PTPRN2: variants seen among roughly 807,000 people sequenced by gnomAD.
PTPRN2 encodes the protein receptor-type tyrosine-protein phosphatase N2.
In PTPRN2, 74 loss-of-function variants were observed where a neutral mutation model predicts 118.8. The observed-to-expected ratio is 0.62, with a 90% CI of 0.52 to 0.76. The LOEUF is 0.76. PTPRN2 is among the 30% of genes least tolerant of loss of function. PTPRN2 has a pLI of 0.00. For missense variants in PTPRN2, 1,481 were observed against 1,394.4 expected, an observed-to-expected ratio of 1.06 and a Z score of -0.99; for synonymous variants, 641 against 608.0, an observed-to-expected ratio of 1.05 and a Z score of -0.80.
intron 12 of PTPRN2, among the ~76,000 whole-genome samples, chr7:157,734,378 G>A (rs1446145084): frequency 2.6e-5 from 4 of 152,232 alleles, no homozygotes; most frequent in Admixed American, 2.6e-4. Context: ...AGGCTTCCAG[G>A]GTAGGTACTG....
chr7:158,179,350 A>AT lies in PTPRN2; in HGVS notation c.550-12060dup, dbSNP rs576016769. Among the ~76,000 whole-genome samples, 102 of 150,538 alleles carry AT rather than the reference A, an allele frequency of 6.8e-4. No individual in the cohort carries two copies. In the South Asian group the frequency reaches 8.2e-3, roughly 12 times the overall value. ...CGTCATTTGTCCACTTTTTAATGGG[A>AT]TTTTTTTTTCTTGCTAAATTGTTTG... On this transcript the variant is annotated intron_variant, in intron 5 of 22. Transcript: ENST00000389418.
intron 4 of PTPRN2, among the ~76,000 whole-genome samples, chr7:158,193,014 C>T (rs546331636): frequency 6.4e-4 from 97 of 152,348 alleles, no homozygotes; most frequent in Non-Finnish European, 1.3e-3. Flanking sequence ...TGATGTACTT[C>T]GCCACAGCCT....
At chr7:158,139,165 C>A (rs1819129164) in intron 6 of PTPRN2, among the ~76,000 whole-genome samples, 1 of 152,120 alleles carries the variant, frequency 6.6e-6, no homozygotes, top group Non-Finnish European at 1.5e-5. Context: ...AAAAACAGAA[C>A]CCGAAATTGA....
chr7:157,684,783 G>T (rs1298559770), intron 12 of PTPRN2, among the ~76,000 whole-genome samples: 14 of 151,854 alleles, frequency 9.2e-5, no homozygotes, highest in Non-Finnish European at 1.5e-5. Context: ...ACCTCCCCCG[G>T]GCCGGGGTCT....
chr7:158,413,591 C>T (rs956899306), intron 2 of PTPRN2, among the ~76,000 whole-genome samples: 5 of 152,326 alleles, frequency 3.3e-5, no homozygotes, highest in East Asian at 1.9e-4. Context: ...GAGGCCTGAA[C>T]GGGAAAGCCC....
chr7:158,273,506 CCGCAGACAGACA>C (rs1798672429), intron 3 of PTPRN2, among the ~76,000 whole-genome samples: 1 of 121,800 alleles, frequency 8.2e-6, no homozygotes, highest in Non-Finnish European at 1.6e-5. Flanking sequence ...ACAGGGGGAG[CCGCAGACAGACA>C]TGGGAGGAGC....
intron 12 of PTPRN2, among the ~76,000 whole-genome samples, chr7:157,786,677 C>A (rs188518115): frequency 6.6e-6 from 1 of 152,246 alleles, no homozygotes; most frequent in South Asian, 2.1e-4. Context: ...AGGCCACATC[C>A]GTGCAGAAAG....
At chr7:158,329,551 G>A (rs1450093006) in intron 2 of PTPRN2, among the ~76,000 whole-genome samples, 2 of 152,192 alleles carry the variant, frequency 1.3e-5, no homozygotes, top group Admixed American at 1.3e-4. Context: ...GATGAGCCAG[G>A]AGGGGACTCG....
At position 157,798,723 on chromosome 7, in the gene PTPRN2, T is replaced by G. The variant is rs570668240; in HGVS notation, c.1788+99950A>C. On this transcript the variant is annotated intron_variant, in intron 12 of 22. Transcript: ENST00000389418. ...TTCGTTTTATTAATTACCTCTTTTT[T>G]GCCTATTGATGTGAAAGAATCTGGG... Among the ~76,000 whole-genome samples the G allele has an allele frequency of 3.9e-5, 6 of 152,288 alleles. No individual in the cohort carries two copies. The South Asian group carries it at 1.2e-3, about 32-fold the overall frequency.
At chr7:157,799,097 G>C (rs1362228328) in intron 12 of PTPRN2, among the ~76,000 whole-genome samples, 1 of 152,202 alleles carries the variant, frequency 6.6e-6, no homozygotes, top group South Asian at 2.1e-4. Context: ...CAACCCCATC[G>C]GGTCAGAGAG....
At chr7:158,572,494 T>G (rs539637762) in intron 1 of PTPRN2, among the ~76,000 whole-genome samples, 105 of 152,288 alleles carry the variant, frequency 6.9e-4, no homozygotes, top group African/African-American at 2.4e-3. Flanking sequence ...CTGAACCCTT[T>G]CTGGGTGCAG....
intron 14 of PTPRN2, among the ~76,000 whole-genome samples, chr7:157,655,666 G>C (rs1047758110): frequency 5.3e-5 from 8 of 152,194 alleles, no homozygotes; most frequent in South Asian, 2.1e-4. Flanking sequence ...AGCACAGCCA[G>C]GCACGGTCAC....
At chr7:158,073,387 G>A (rs1812090696) in intron 11 of PTPRN2, among the ~76,000 whole-genome samples, 1 of 152,178 alleles carries the variant, frequency 6.6e-6, no homozygotes, top group Non-Finnish European at 1.5e-5. Flanking sequence ...GAGGGTGTGG[G>A]CCCATGCGTT....
Position 158,438,873 on chromosome 7 carries a change from G to A in PTPRN2, c.163+50862C>T, listed in dbSNP as rs1043285111. ...AACCTTGGGACTCCAAAATCTCCAG[G>A]CTAAAGGGAAAAGTCAAGCTGGGAA... On this transcript the variant is annotated intron_variant, in intron 2 of 22. Transcript: ENST00000389418. The surrounding 1 kb of genome is among the most constrained non-coding windows in gnomAD (Gnocchi z 4.7). 6.6e-6 allele frequency among the ~76,000 whole-genome samples: 1 copy of A among 152,152 alleles called. No homozygotes were observed. Among genetic ancestry groups the A allele is most frequent in the Non-Finnish European group, 1.5e-5 (1 of 68,014 alleles).
chr7:157,631,986 C>T (rs551344606), intron 14 of PTPRN2, among the ~76,000 whole-genome samples: 6 of 152,286 alleles, frequency 3.9e-5, no homozygotes, highest in African/African-American at 7.2e-5. Flanking sequence ...ACAGACCTTA[C>T]GTACTTTCCG....
chr7:158,124,586 T>C (rs1191613237), intron 9 of PTPRN2, among the ~76,000 whole-genome samples: 3 of 152,104 alleles, frequency 2.0e-5, no homozygotes, highest in African/African-American at 7.2e-5. Context: ...TAATGGAAAA[T>C]TGGTGACAAA....
At chr7:158,086,646 A>G (rs1813438065) in intron 10 of PTPRN2, among the ~76,000 whole-genome samples, 1 of 152,194 alleles carries the variant, frequency 6.6e-6, no homozygotes, top group Non-Finnish European at 1.5e-5. Flanking sequence ...ATAGACCATA[A>G]AGAGGAGCCT....
chr7:157,558,043 C>T (rs866302481), intron 21 of PTPRN2, among the ~76,000 whole-genome samples: 9 of 150,694 alleles, frequency 6.0e-5, no homozygotes, highest in East Asian at 1.9e-4. Flanking sequence ...GCGGAGACAC[C>T]GGACCTCTGC....
chr7:157,749,689 AG>A (rs1801325415), intron 12 of PTPRN2, among the ~76,000 whole-genome samples: 5 of 35,040 alleles, frequency 1.4e-4, no homozygotes, highest in Non-Finnish European at 5.5e-5. Flanking sequence ...GCGGGGTGTC[AG>A]GGTGATTCTG....
Sources: gnomAD v4.1 joint callset for allele counts (sites outside exome capture counted in the v4.1 genomes callset) on GRCh38, gnomAD v4.1.1 for gene constraint, Gnocchi (gnomAD v3.1) non-coding constraint, MANE v1.5 for transcripts, NCBI Gene and HGNC (gene_info 2026-07-23, HGNC 2026-07-21) for gene names.